The following ABLIM1 variants were observed in gnomAD, a reference collection of about 807,000 sequenced individuals.
ABLIM1 encodes the protein actin binding LIM protein 1.
In ABLIM1, 40 loss-of-function variants were observed where a neutral mutation model predicts 107.0. The ratio of observed to expected loss-of-function variants is 0.37; its 90% CI spans 0.29 to 0.49. ABLIM1 has a LOEUF of 0.49. Ranked by LOEUF, ABLIM1 falls within the 20% of genes least tolerant of loss-of-function variation. The probability of loss-of-function intolerance (pLI) is 0.97; values close to 1 mark genes in which losing one functional copy is unlikely to be tolerated. For missense variants in ABLIM1, 857 were observed against 1,008.5 expected (o/e 0.85, Z 2.04); for synonymous variants, 357 against 357.3 (o/e 1.00, Z 0.01).
rs376688812 is a variant in ABLIM1 at position 114,448,059 on chromosome 10, G to T, written c.1595-39C>A. The T allele has an allele frequency of 3.3e-5, 53 of 1,613,260 alleles. 1 individual carries two copies. The highest frequency in any genetic ancestry group is 3.9e-5 in the Non-Finnish European group (46 of 1,179,480). On this transcript the variant is annotated intron_variant, in intron 14 of 22. Transcript: ENST00000533213. ...GGAATCAGGGGTTGCTTAGCTATTG[G>T]TCTGTAAGACAATGGCGGTACAACC...
chr10:114,664,915 C>T (rs2079957230), intron 1 of ABLIM1, among the ~76,000 whole-genome samples: 1 of 150,872 alleles, frequency 6.6e-6, no homozygotes, highest in African/African-American at 2.4e-5. Flanking sequence ...TCAGGAAATC[C>T]AGACCAGCCT....
intron 1 of ABLIM1, among the ~76,000 whole-genome samples, chr10:114,691,744 A>G (rs2081083551): frequency 6.6e-6 from 1 of 152,212 alleles, no homozygotes; most frequent in African/African-American, 2.4e-5. Context: ...TGGATTTTTT[A>G]TAACTTCCAC....
intron 2 of ABLIM1, among the ~76,000 whole-genome samples, chr10:114,589,973 G>A (rs1398238736): frequency 1.3e-5 from 2 of 152,080 alleles, no homozygotes; most frequent in African/African-American, 4.8e-5. Context: ...AGCCCTGTAA[G>A]CTCCATTCGT....
At chr10:114,460,034 C>T (rs1293318478) in intron 12 of ABLIM1, among the ~76,000 whole-genome samples, 1 of 152,080 alleles carries the variant, frequency 6.6e-6, no homozygotes, top group South Asian at 2.1e-4. Flanking sequence ...CATTCTTGGT[C>T]TAAGAGTCAA....
At chr10:114,539,797 C>T (rs553690987) in intron 6 of ABLIM1, among the ~76,000 whole-genome samples, 1 of 152,132 alleles carries the variant, frequency 6.6e-6, no homozygotes, top group East Asian at 1.9e-4. Context: ...GCCCCACTCC[C>T]CCATGACATT....
At chr10:114,699,505 A>G (rs1293152711) in intron 1 of ABLIM1, among the ~76,000 whole-genome samples, 1 of 152,144 alleles carries the variant, frequency 6.6e-6, no homozygotes, top group Non-Finnish European at 1.5e-5. Flanking sequence ...GACAGCAGTC[A>G]GAAGACAGAA....
At chr10:114,547,415 C>G (rs957928240) in intron 5 of ABLIM1, 1 of 544,430 alleles carries the variant, frequency 1.8e-6, no homozygotes, top group Admixed American at 3.5e-5. Context: ...GTAACAGTGT[C>G]AGCTTCATTA....
chr10:114,651,800 A>T (rs2079258835), intron 1 of ABLIM1, among the ~76,000 whole-genome samples: 1 of 152,216 alleles, frequency 6.6e-6, no homozygotes, highest in South Asian at 2.1e-4. Flanking sequence ...TATCATCTCC[A>T]TCCTCAGGAG....
chr10:114,673,804 G>T (rs1048868639), intron 1 of ABLIM1, among the ~76,000 whole-genome samples: 6 of 152,142 alleles, frequency 3.9e-5, no homozygotes, highest in Non-Finnish European at 8.8e-5. Flanking sequence ...ACACGATGAC[G>T]GGCTTCAGTA....
intron 1 of ABLIM1, among the ~76,000 whole-genome samples, chr10:114,683,072 G>A (rs2080813486): frequency 1.3e-5 from 2 of 152,152 alleles, no homozygotes; most frequent in South Asian, 2.1e-4. Flanking sequence ...AGGAATACAC[G>A]AATGCATTCT....
At chr10:114,780,841 A>G in the ABLIM1 span, among the ~76,000 whole-genome samples, 1 of 152,172 alleles carries the variant, frequency 6.6e-6, no homozygotes, top group Non-Finnish European at 1.5e-5. Context: ...CACAGTGGAC[A>G]GGGCAGGTTC....
intron 1 of ABLIM1, among the ~76,000 whole-genome samples, chr10:114,724,325 G>C (rs780876790): frequency 6.6e-6 from 1 of 152,162 alleles, no homozygotes; most frequent in Admixed American, 6.5e-5. Context: ...AGGATCAAGA[G>C]AGAATATAGA....
intron 1 of ABLIM1, among the ~76,000 whole-genome samples, chr10:114,639,839 C>CT (rs2078657191): frequency 1.3e-5 from 2 of 152,200 alleles, no homozygotes; most frequent in Non-Finnish European, 2.9e-5. Context: ...GCTATTCCTG[C>CT]TGCCCGTGCA....
chr10:114,457,044 A>G (rs775815179), intron 12 of ABLIM1, among the ~76,000 whole-genome samples: 3 of 152,214 alleles, frequency 2.0e-5, no homozygotes, highest in African/African-American at 4.8e-5. Flanking sequence ...GAGAGACCCA[A>G]TAACACACCC....
intron 6 of ABLIM1, among the ~76,000 whole-genome samples, chr10:114,532,361 C>A (rs539098338): frequency 2.1e-4 from 32 of 152,336 alleles, no homozygotes; most frequent in Admixed American, 1.2e-3. Context: ...CCAGCCCTAA[C>A]TCCCTCCACT....
At chr10:114,754,256 C>CCT in intron 1 of ABLIM1, among the ~76,000 whole-genome samples, 1 of 152,174 alleles carries the variant, frequency 6.6e-6, no homozygotes, top group South Asian at 2.1e-4. Flanking sequence ...GTAGACTGTA[C>CCT]CTTCTATTTT....
chr10:114,749,975 T>A (rs2082475821), intron 1 of ABLIM1, among the ~76,000 whole-genome samples: 1 of 152,248 alleles, frequency 6.6e-6, no homozygotes, highest in Non-Finnish European at 1.5e-5. Flanking sequence ...TGATATGCTA[T>A]GTATTTTACC....
rs7091419 is a variant in ABLIM1, at chr10:114,444,053, G to A, written c.1909C>T (p.Arg637Cys). 1.6e-5 allele frequency: 26 copies of A among 1,611,022 alleles called. No individual in the cohort carries two copies. Among genetic ancestry groups the A allele is most frequent in the East Asian group, 1.1e-4 (5 of 44,752 alleles). Residue 637 changes from arginine to cysteine, a missense_variant, in exon 17 of 23, where the codon CGC (arginine) becomes TGC (cysteine). Physicochemically the swap from Arg to Cys is radical, Grantham distance 180. Around this residue, in one of 5 missense-constraint regions of ABLIM1, gnomAD observed 193 missense variants for 208.5 expected, o/e 0.93. Transcript: ENST00000533213. ...CCTGAGTTGATGGGAGAATCGTAGC[G>A]ACTGGCTAACAGAGATGACCTTTCC... ...SRERSSLLAS[R>C]YDSPINSASH...
At chr10:114,644,306 A>AAAAAAAAAAAAATAT (rs1408072252) in intron 1 of ABLIM1, among the ~76,000 whole-genome samples, 1 of 52,254 alleles carries the variant, frequency 1.9e-5, no homozygotes, top group Non-Finnish European at 3.1e-5. Context: ...AAAAAAAAAA[A>AAAAAAAAAAAAATAT]ATATATATAT....
Sources: allele counts gnomAD v4.1 joint callset (sites outside exome capture counted in the v4.1 genomes callset), GRCh38; gene constraint gnomAD v4.1.1; regional missense constraint gnomAD v4.1.1; transcripts MANE v1.5; gene names NCBI Gene and HGNC (gene_info 2026-07-23, HGNC 2026-07-21).